Variants in TMPRSS2 observed in about 807,000 individuals in gnomAD.
TMPRSS2 encodes transmembrane serine protease 2.
Under a neutral mutation model 67.4 loss-of-function variants are expected in TMPRSS2, and 59 were observed. That is an observed-to-expected ratio of 0.88 (90% CI 0.71 to 1.09). The LOEUF is 1.09. Ranked by LOEUF, TMPRSS2 falls within the 50% of genes least tolerant of loss-of-function variation. TMPRSS2 has a pLI of 0.00. For synonymous variants in TMPRSS2, 257 were observed against 257.0 expected (o/e 1.00, Z 0.00); for missense variants, 668 against 642.7 (o/e 1.04, Z -0.43).
rs376752614 is a variant in TMPRSS2, at chr21:41,471,777, C to A, written c.1075+29G>T. On this transcript the variant is annotated intron_variant, in intron 10 of 13. Coordinates refer to ENST00000332149, the MANE Select transcript of TMPRSS2 (RefSeq NM_005656.4). ...CAACATCTCTTTAAGATTCTGCCAA[C>A]CTGCTTGCCAAGCCTGAGCCACACG... 201 of 1,561,870 alleles carry A rather than the reference C, an allele frequency of 1.3e-4. No individual in the cohort carries two copies. In the South Asian group the frequency reaches 2.1e-3, roughly 16 times the overall value.
chr21:41,469,920 C>G (rs752819845), intron 11 of TMPRSS2, among the ~76,000 whole-genome samples: 2 of 152,166 alleles, frequency 1.3e-5, no homozygotes, highest in African/African-American at 2.4e-5. Context: ...TTTTGCCCAG[C>G]CTGTGGCTCT....
At position 41,464,668 on chromosome 21, in the gene TMPRSS2, G is replaced by A. The variant is rs2091070492; in HGVS notation, c.*1474C>T. On this transcript the variant is annotated 3_prime_UTR_variant, in exon 14 of 14. Transcript: ENST00000332149. Reference sequence around the variant, plus strand: ...ACAGTTGTTCACATAAATAAGAAGGGGCAATAAAGAAGGAAGACGTTTTCA... The same window carrying A: ...ACAGTTGTTCACATAAATAAGAAGGAGCAATAAAGAAGGAAGACGTTTTCA... 4.3e-6 allele frequency: 1 copy of A among 233,086 alleles called. No individual in the cohort carries two copies. Among genetic ancestry groups the A allele is most frequent in the Non-Finnish European group, 8.5e-6 (1 of 118,018 alleles). The allele number at this position is 233,086 out of a possible 1,614,324, so 14.4% of individuals were successfully genotyped here. A position where few individuals can be genotyped will look rare whatever the true frequency, so the allele number is the denominator to read the frequency against.
chr21:41,504,377 A>C (rs2091443543), intron 1 of TMPRSS2, among the ~76,000 whole-genome samples: 1 of 152,148 alleles, frequency 6.6e-6, no homozygotes, highest in Non-Finnish European at 1.5e-5. Context: ...CTCCAGGAGG[A>C]TGAAAAGCCT....
intron 9 of TMPRSS2, among the ~76,000 whole-genome samples, chr21:41,472,758 T>A (rs1221042091): frequency 6.6e-6 from 1 of 152,014 alleles, no homozygotes; most frequent in Non-Finnish European, 1.5e-5. Flanking sequence ...GAAAAATACA[T>A]CCGCCAAGTG....
Position 41,465,806 on chromosome 21 carries a change from C to T in TMPRSS2, c.*336G>A. On this transcript the variant is annotated 3_prime_UTR_variant, in exon 14 of 14. Coordinates refer to ENST00000332149, the MANE Select transcript of TMPRSS2 (RefSeq NM_005656.4). ...AAGTCATCCAGCAGCTGAGAGGTGA[C>T]AGCTCCATGCTCATCCAAAATTGGC... 2.9e-6 allele frequency: 1 copy of T among 349,340 alleles called. No individual in the cohort carries two copies. Among genetic ancestry groups the T allele is most frequent in the East Asian group, 4.4e-5 (1 of 22,712 alleles). 21.6% of individuals were successfully genotyped at this position (349,340 alleles called of 1,614,324 possible).
chr21:41,479,541 C>T (rs1601574044), intron 6 of TMPRSS2, among the ~76,000 whole-genome samples: 1 of 152,126 alleles, frequency 6.6e-6, no homozygotes, highest in South Asian at 2.1e-4. Flanking sequence ...ATGAGAAGGA[C>T]ATAGGATTGT....
At chr21:41,503,963 G>C (rs577650336) in intron 1 of TMPRSS2, among the ~76,000 whole-genome samples, 1 of 152,324 alleles carries the variant, frequency 6.6e-6, no homozygotes, top group South Asian at 2.1e-4. Flanking sequence ...GGGTCAGGCT[G>C]AGTGCCCCGC....
At chr21:41,500,672 T>C (rs961529242) in intron 1 of TMPRSS2, among the ~76,000 whole-genome samples, 1 of 152,236 alleles carries the variant, frequency 6.6e-6, no homozygotes, top group African/African-American at 2.4e-5. Flanking sequence ...TTTGGGACTT[T>C]TTCTAGGATT....
rs2091081085 is a variant in TMPRSS2 at position 41,466,123 on chromosome 21, A to G, written c.*19T>C. The G allele has an allele frequency of 1.2e-6, 2 of 1,613,860 alleles. No individual in the cohort carries two copies. The highest frequency in any genetic ancestry group is 1.7e-6 in the Non-Finnish European group (2 of 1,179,948). Reference sequence around the variant, plus strand: ...ATTGTTTTCTTGTAAAACGACGTCAAGGACGAAGACCATGTGGATTAGCCG... The same window carrying G: ...ATTGTTTTCTTGTAAAACGACGTCAGGGACGAAGACCATGTGGATTAGCCG... On this transcript the variant is annotated 3_prime_UTR_variant, in exon 14 of 14. Transcript: ENST00000332149.
intron 3 of TMPRSS2, 48 bp downstream of exon 3, chr21:41,494,308 C>T (rs1252150403): frequency 3.1e-6 from 5 of 1,600,458 alleles, no homozygotes; most frequent in African/African-American, 1.3e-5. Flanking sequence ...GGAGGTAGAC[C>T]CGGGACCCCG....
In TMPRSS2 at chr21:41,485,526, G is replaced by A. The variant is rs554986094; in HGVS notation, c.445+2868C>T. On this transcript the variant is annotated intron_variant, in intron 5 of 13. Transcript: ENST00000332149. ...TAGCCAGGTGTGGTGGCGAGCACCT[G>A]TAGTCCCAGCCACTTGGGGGGCTGA... 1.0e-3 allele frequency among the ~76,000 whole-genome samples: 157 copies of A among 152,052 alleles called. 4 individuals carry two copies. The highest frequency in any genetic ancestry group is 2.1e-4 in the South Asian group (1 of 4,816).
intron 1 of TMPRSS2, 95 bp downstream of exon 1, chr21:41,507,986 C>T (rs1321015464): frequency 6.9e-7 from 1 of 1,440,524 alleles, no homozygotes; most frequent in East Asian, 3.0e-5. Flanking sequence ...CTTTCACCTC[C>T]GGGCGGGGCA....
At chr21:41,470,591 G>A (rs925398303) in intron 11 of TMPRSS2, 57 bp downstream of exon 11, 21 of 1,543,084 alleles carry the variant, frequency 1.4e-5, no homozygotes, top group South Asian at 4.6e-5. Context: ...TCCCACTTCC[G>A]AACCCAATGC....
At chr21:41,480,703 A>T in intron 5 of TMPRSS2, 101 bp from the exon 6 acceptor site, 1 of 1,499,410 alleles carries the variant, frequency 6.7e-7, no homozygotes, top group East Asian at 2.5e-5. Flanking sequence ...CAGTGGTCTG[A>T]TCTCCACTCA....
chr21:41,491,637 G>A (rs1456846999), intron 3 of TMPRSS2, among the ~76,000 whole-genome samples: 5 of 152,180 alleles, frequency 3.3e-5, no homozygotes, highest in Non-Finnish European at 5.9e-5. Context: ...ACTTTCCTCC[G>A]TCTATGGCTT....
chr21:41,468,328 C>T (rs2091101573), intron 12 of TMPRSS2, 68 bp downstream of exon 12: 1 of 1,575,954 alleles, frequency 6.3e-7, no homozygotes, highest in African/African-American at 1.3e-5. Context: ...CCAAGAATGC[C>T]CTCTCTCTCA....
At chr21:41,502,642 G>C in intron 1 of TMPRSS2, 1 of 957,970 alleles carries the variant, frequency 1.0e-6, no homozygotes, top group Admixed American at 6.2e-5. Context: ...TAGAATGCAT[G>C]ACTAAATGAG....
At chr21:41,466,521 G>A (rs1053214576) in intron 13 of TMPRSS2, among the ~76,000 whole-genome samples, 5 of 152,292 alleles carry the variant, frequency 3.3e-5, no homozygotes, top group Admixed American at 6.5e-5. Context: ...GTGCGAGTCC[G>A]CCCCTCAGCC....
intron 9 of TMPRSS2, among the ~76,000 whole-genome samples, chr21:41,472,983 A>G (rs2091147363): frequency 6.6e-6 from 1 of 152,154 alleles, no homozygotes; most frequent in Admixed American, 6.5e-5. Flanking sequence ...TCCTGGGACT[A>G]GCGTCCCGGA....
Sources: allele counts gnomAD v4.1 joint callset (sites outside exome capture counted in the v4.1 genomes callset), GRCh38; gene constraint gnomAD v4.1.1; transcripts MANE v1.5; gene names NCBI Gene and HGNC (gene_info 2026-07-23, HGNC 2026-07-21).